The following SGCG variants were observed in gnomAD, a reference collection of about 807,000 sequenced individuals.
SGCG encodes the protein gamma-sarcoglycan.
A neutral mutation model predicts 29.3 loss-of-function variants in SGCG; 26 were observed. That is an observed-to-expected ratio of 0.89 (90% confidence interval 0.65 to 1.23). The LOEUF (loss-of-function observed/expected upper bound fraction) is 1.23, where lower values mean the gene tolerates loss of function less well. SGCG is among the 50% of genes most tolerant of loss of function. The pLI, the probability that SGCG is intolerant of heterozygous loss-of-function variation, is 0.00. For synonymous variants in SGCG, 145 were observed against 129.7 expected (o/e 1.12, Z -0.80); for missense variants, 353 against 356.0 (o/e 0.99, Z 0.07).
Position 23,234,642 on chromosome 13 carries a change from A to T in SGCG, c.227A>T (p.Asp76Val). 6.2e-7 allele frequency: 1 copy of T among 1,612,918 alleles called. No homozygotes were observed. Among genetic ancestry groups the T allele is most frequent in the Non-Finnish European group, 8.5e-7 (1 of 1,179,134 alleles). ...ATGGGCCACTTGTGTGTAACAAAAG[A>T]TGGACTGCGCTTGGAAGGGGAATCA... is the stretch of plus-strand genomic sequence containing the variant. ...AGMGHLCVTK[D>V]GLRLEGESEF... The change falls in exon 3 of 8, where the codon GAT (aspartate) becomes GTT (valine). Residue 76 changes from aspartate to valine, a missense_variant. By Grantham distance (152) the Asp-to-Val change is radical. Coordinates refer to ENST00000218867, the MANE Select transcript of SGCG (RefSeq NM_000231.3).
chr13:23,320,613 T>TTTGCTTCTTTTCC, intron 6 of SGCG, 24 bp from the exon 7 acceptor site: 1 of 1,390,604 alleles, frequency 7.2e-7, no homozygotes, highest in Non-Finnish European at 9.7e-7. Flanking sequence ...TTTTTTTTTT[T>TTTGCTTCTTTTCC]TGTGCTTCTT....
chr13:23,180,736 T>C (rs779489364), upstream of SGCG, among the ~76,000 whole-genome samples: 1 of 152,214 alleles, frequency 6.6e-6, no homozygotes, highest in Non-Finnish European at 1.5e-5. Context: ...GGAAAGTTGG[T>C]TTTGTAAGAA....
At chr13:23,231,940 G>A (rs1020102110) in intron 2 of SGCG, among the ~76,000 whole-genome samples, 11 of 152,002 alleles carry the variant, frequency 7.2e-5, no homozygotes, top group Admixed American at 6.6e-4. Context: ...CCAACATGAC[G>A]AAACCCCATC....
chr13:23,279,446 T>C lies in SGCG; in HGVS notation c.473T>C (p.Val158Ala), dbSNP rs1241846735. ...KPLFTVDEKE[V>A]VVGTDKLRVT... ...CTATTTACTGTAGATGAGAAGGAAGTTGTGGTTGGTACAGATAAACTTCGA... is the reference window on the plus strand; with the variant it reads ...CTATTTACTGTAGATGAGAAGGAAGCTGTGGTTGGTACAGATAAACTTCGA... Residue 158 changes from valine (V) to alanine (A), a missense_variant, in exon 5 of 8, where the codon GTT becomes GCT. By Grantham distance (64) the Val-to-Ala change is moderately conservative. Coordinates refer to ENST00000218867, the MANE Select transcript of SGCG (RefSeq NM_000231.3). The C allele has an allele frequency of 8.7e-6, 14 of 1,613,400 alleles. No homozygotes were observed. The highest frequency in any genetic ancestry group is 1.1e-5 in the Non-Finnish European group (13 of 1,179,510).
chr13:23,234,554 G>A, intron 2 of SGCG, 57 bp from the exon 3 acceptor site: 1 of 1,152,044 alleles, frequency 8.7e-7, no homozygotes, highest in Non-Finnish European at 1.3e-6. Context: ...AATATTAAGA[G>A]GAATGAAAAA....
the SGCG span, among the ~76,000 whole-genome samples, chr13:23,174,865 T>C: frequency 1.3e-5 from 2 of 152,160 alleles, no homozygotes; most frequent in East Asian, 3.9e-4. Flanking sequence ...GATGCCATTA[T>C]GGTTTTCAAA....
chr13:23,307,021 A>G (rs1158077133), intron 6 of SGCG, among the ~76,000 whole-genome samples: 1 of 152,242 alleles, frequency 6.6e-6, no homozygotes, highest in Non-Finnish European at 1.5e-5. Flanking sequence ...CAAATATATT[A>G]GATTTAATTT....
At chr13:23,165,681 C>G in the SGCG span, among the ~76,000 whole-genome samples, 1 of 151,232 alleles carries the variant, frequency 6.6e-6, no homozygotes, top group Non-Finnish European at 1.5e-5. Flanking sequence ...CTTGCCACCA[C>G]GCCCAGCTAA....
rs141427827 is a variant in SGCG at position 23,190,768 on chromosome 13, T to TA, written c.-1+9695dup. On this transcript the variant is annotated intron_variant, in intron 1 of 7. Coordinates refer to ENST00000218867, the MANE Select transcript of SGCG (RefSeq NM_000231.3). ...GCAGGTACAGGAGTCAGATAAACCT[T>TA]AAGAAGTCAGATTCACAATTGCAAG... Among the ~76,000 whole-genome samples, 246 of 152,280 alleles carry TA rather than the reference T, an allele frequency of 1.6e-3. 6 individuals carry two copies. In the East Asian group the frequency reaches 0.039, roughly 24 times the overall value.
intron 4 of SGCG, among the ~76,000 whole-genome samples, chr13:23,252,583 T>C (rs1004626188): frequency 9.2e-5 from 14 of 151,928 alleles, no homozygotes; most frequent in South Asian, 2.1e-4. Flanking sequence ...CTCAGCTACT[T>C]GGGCGGCTGA....
At chr13:23,169,319 A>T in the SGCG span, among the ~76,000 whole-genome samples, 2 of 149,304 alleles carry the variant, frequency 1.3e-5, no homozygotes, top group Admixed American at 1.3e-4. Context: ...ACTTCTTTCT[A>T]CTTCTGGTTG....
intron 4 of SGCG, among the ~76,000 whole-genome samples, chr13:23,274,393 C>CTT (rs150706018): frequency 0.019 from 1,172 of 62,096 alleles, 1 homozygote; most frequent in South Asian, 0.035. Context: ...TTCTTTCTTT[C>CTT]TCTTTTTTTT....
At chr13:23,162,465 T>C in the SGCG span, among the ~76,000 whole-genome samples, 6 of 152,092 alleles carry the variant, frequency 3.9e-5, no homozygotes, top group Non-Finnish European at 7.4e-5. Flanking sequence ...ACTAAAAATA[T>C]TTTTTTAAAA....
In SGCG at chr13:23,307,968, G is replaced by A. The variant is rs558549100; in HGVS notation, c.578+12481G>A. ...AAAATAAAAATAAAAACCCACATAT[G>A]GGTCTCTATAAATGTCAACATTACA... On this transcript the variant is annotated intron_variant, in intron 6 of 7. Transcript: ENST00000218867. Among the ~76,000 whole-genome samples the A allele has an allele frequency of 4.7e-3, 714 of 151,990 alleles. 3 individuals are homozygous for A. Among genetic ancestry groups the A allele is most frequent in the Middle Eastern group, 0.014 (4 of 294 alleles).
intron 2 of SGCG, among the ~76,000 whole-genome samples, chr13:23,232,980 G>C (rs1879166693): frequency 6.6e-6 from 1 of 152,142 alleles, no homozygotes; most frequent in Non-Finnish European, 1.5e-5. Flanking sequence ...ATATAAAATT[G>C]AATAACTACC....
At chr13:23,299,441 TATATATA>T (rs1365066690) in intron 6 of SGCG, among the ~76,000 whole-genome samples, 347 of 21,732 alleles carry the variant, frequency 0.016, 31 homozygotes, top group African/African-American at 0.039. Context: ...TATATATATA[TATATATA>T]TATATATATT....
In SGCG at chr13:23,320,669, A is replaced by G; in HGVS notation, c.611A>G (p.Asp204Gly). 3.1e-6 allele frequency: 5 copies of G among 1,595,052 alleles called. No homozygotes were observed. Among genetic ancestry groups the G allele is most frequent in the African/African-American group, 2.8e-5 (2 of 72,434 alleles). The change falls in exon 7 of 8, where the codon GAT becomes GGT. Residue 204 changes from aspartate to glycine, a missense_variant. Coordinates refer to ENST00000218867, the MANE Select transcript of SGCG (RefSeq NM_000231.3). ...LESPTRSLSM[D>G]APRGVHIQAH... The stretch of plus-strand genomic sequence containing the variant: ...TCCCCCACTCGGAGTCTAAGCATGG[A>G]TGCCCCAAGGGGTGTGCATATTCAA...
chr13:23,193,248 T>C (rs1431085495), intron 1 of SGCG, among the ~76,000 whole-genome samples: 1 of 152,094 alleles, frequency 6.6e-6, no homozygotes, highest in African/African-American at 2.4e-5. Context: ...TGAGGTGAGA[T>C]GGAGCTGGAG....
chr13:23,288,195 CAACAG>C (rs1881573006), intron 5 of SGCG, among the ~76,000 whole-genome samples: 1 of 152,146 alleles, frequency 6.6e-6, no homozygotes, highest in Non-Finnish European at 1.5e-5. Flanking sequence ...TCAGCAAACG[CAACAG>C]TAGTTGACAG....
Sources: gnomAD v4.1 joint callset for allele counts (sites outside exome capture counted in the v4.1 genomes callset) on GRCh38, gnomAD v4.1.1 for gene constraint, MANE v1.5 for transcripts, NCBI Gene and HGNC (gene_info 2026-07-23, HGNC 2026-07-21) for gene names.